Variants in CHRNA4 observed in about 807,000 individuals in gnomAD.
CHRNA4 encodes the protein cholinergic receptor nicotinic alpha 4 subunit.
Under a neutral mutation model 48.9 loss-of-function variants are expected in CHRNA4, and 28 were observed. The ratio of observed to expected loss-of-function variants is 0.57; its 90% confidence interval spans 0.42 to 0.79. The LOEUF is 0.79. Ranked by LOEUF, CHRNA4 falls within the 30% of genes least tolerant of loss-of-function variation. The probability of loss-of-function intolerance (pLI) is 0.00; values close to 1 mark genes in which losing one functional copy is unlikely to be tolerated. For synonymous variants in CHRNA4, 425 were observed against 402.3 expected (o/e 1.06, Z -0.68); for missense variants, 859 against 898.4 (o/e 0.96, Z 0.56).
At chr20:63,352,431 C>A (rs974016306) in intron 4 of CHRNA4, among the ~76,000 whole-genome samples, 1 of 152,204 alleles carries the variant, frequency 6.6e-6, no homozygotes, top group Non-Finnish European at 1.5e-5. Flanking sequence ...CCAACACCGC[C>A]GGCTGGGCTG....
At position 63,346,820 on chromosome 20, in the gene CHRNA4, A is replaced by G. The variant is rs1467531658; in HGVS notation, c.1802T>C (p.Ile601Thr). The G allele has an allele frequency of 6.2e-7, 1 of 1,612,576 alleles. No individual in the cohort carries two copies. Among genetic ancestry groups the G allele is most frequent in the East Asian group, 2.2e-5 (1 of 44,882 alleles). Residue 601 changes from isoleucine (I) to threonine (T), a missense_variant, in exon 6 of 6, where the codon ATC (isoleucine) becomes ACC (threonine). By Grantham distance (89) the Ile-to-Thr change is moderately conservative. Coordinates refer to ENST00000370263, the MANE Select transcript of CHRNA4 (RefSeq NM_000744.7). Reference sequence around the variant, plus strand: ...GACGATGATGAACATCCAGAGGAAGATGCGGTCGATGACCATGGCCACGTA... The same window carrying G: ...GACGATGATGAACATCCAGAGGAAGGTGCGGTCGATGACCATGGCCACGTA... ...WKYVAMVIDR[I>T]FLWMFIIVCL...
chr20:63,345,896 A>C lies in CHRNA4; in HGVS notation c.*842T>G, dbSNP rs1416042533. On this transcript the variant is annotated 3_prime_UTR_variant, in exon 6 of 6. Transcript: ENST00000370263. This position sits in a 1 kb window ranked among gnomAD's most constrained non-coding sequence, Gnocchi z 5.4. ...GGGAATCACAACACAGAAGTACCCC[A>C]GGGGCTGAAGCCACTAGGCCCCCGT... is the stretch of plus-strand genomic sequence containing the variant. The C allele has an allele frequency of 2.2e-6, 1 of 453,538 alleles. No individual in the cohort carries two copies. Among genetic ancestry groups the C allele is most frequent in the Admixed American group, 2.4e-5 (1 of 42,530 alleles). The allele number at this position is 453,538 out of a possible 1,614,324, so 28.1% of individuals were successfully genotyped here.
rs543746189 is a variant in CHRNA4, at chr20:63,354,704, C to T, written c.383+1271G>A. The stretch of plus-strand genomic sequence containing the variant: ...GCATTCCTGGAGGGCTGTGCACAGG[C>T]ACCCAGAGCGGCTTCTCTGCCCGGC... On this transcript the variant is annotated intron_variant, in intron 4 of 5. Transcript: ENST00000370263. The T allele has an allele frequency of 4.8e-4, 476 of 982,322 alleles. 9 individuals are homozygous for T. The South Asian group carries it at 0.01, about 21-fold the overall frequency. 60.9% of individuals were successfully genotyped at this position (982,322 alleles called of 1,614,324 possible).
At chr20:63,352,167 T>C (rs1045225876) in intron 4 of CHRNA4, among the ~76,000 whole-genome samples, 1 of 151,854 alleles carries the variant, frequency 6.6e-6, no homozygotes, top group Non-Finnish European at 1.5e-5. Flanking sequence ...CTCTGCCTCA[T>C]TCCCTGAGAG....
chr20:63,356,425 C>A lies in CHRNA4; in HGVS notation c.229-10G>T, dbSNP rs776781462. ...TCTGGTTCTTCTCATCCTAGGGCAC[C>A]GAGAGAGGAAGGGGGCCAGTGACCC... On this transcript the variant is annotated splice_polypyrimidine_tract_variant and intron_variant, in intron 2 of 5. Transcript: ENST00000370263. 34 of 1,599,380 alleles carry A rather than the reference C, an allele frequency of 2.1e-5. No individual in the cohort carries two copies. In the Admixed American group the frequency reaches 4.4e-4, roughly 21 times the overall value.
chr20:63,347,810 G>A (rs1228149007), intron 5 of CHRNA4, among the ~76,000 whole-genome samples: 1 of 152,184 alleles, frequency 6.6e-6, no homozygotes, highest in Non-Finnish European at 1.5e-5. Context: ...GATGTGCCGC[G>A]GGGGCCTGGG....
intron 4 of CHRNA4, chr20:63,355,631 G>A (rs1408709081): frequency 3.1e-6 from 4 of 1,300,490 alleles, no homozygotes; most frequent in South Asian, 2.5e-5. Context: ...CGCGGGTCAG[G>A]AGCCAGCCCC....
At position 63,345,551 on chromosome 20, in the gene CHRNA4, G is replaced by A. The variant is rs940078058; in HGVS notation, c.*1187C>T. Reference sequence around the variant, plus strand: ...CAGGCCTCCCTCACCTCTGGATACCGCCTGCAGGGGTGAGGCTGTGCTGAG... The same window carrying A: ...CAGGCCTCCCTCACCTCTGGATACCACCTGCAGGGGTGAGGCTGTGCTGAG... On this transcript the variant is annotated 3_prime_UTR_variant, in exon 6 of 6. Transcript: ENST00000370263. This position sits in a 1 kb window ranked among gnomAD's most constrained non-coding sequence, Gnocchi z 5.4. 5 of 429,812 alleles carry A rather than the reference G, an allele frequency of 1.2e-5. No homozygotes were observed. The highest frequency in any genetic ancestry group is 2.4e-5 in the Admixed American group (1 of 41,562). The allele number at this position is 429,812 out of a possible 1,614,324, so 26.6% of individuals were successfully genotyped here.
chr20:63,359,314 T>A, intron 2 of CHRNA4: 2 of 606,470 alleles, frequency 3.3e-6, no homozygotes, highest in Non-Finnish European at 6.0e-6. Flanking sequence ...CTTGGAGTGT[T>A]CCCACGTCAA....
chr20:63,345,956 C>A lies in CHRNA4; in HGVS notation c.*782G>T. 2.2e-6 allele frequency: 1 copy of A among 454,094 alleles called. No homozygotes were observed. The highest frequency in any genetic ancestry group is 4.4e-6 in the Non-Finnish European group (1 of 226,764). 28.1% of individuals were successfully genotyped at this position (454,094 alleles called of 1,614,324 possible). A position where few individuals can be genotyped will look rare whatever the true frequency, so the allele number is the denominator to read the frequency against. On this transcript the variant is annotated 3_prime_UTR_variant, in exon 6 of 6. Coordinates refer to ENST00000370263, the MANE Select transcript of CHRNA4 (RefSeq NM_000744.7). This position sits in a 1 kb window ranked among gnomAD's most constrained non-coding sequence, Gnocchi z 5.4. ...GCCACCTGCCAGAGCCCTGGCCCTACGCCTGGAAGGCAGAGTCCTGGTCTC... is the reference window on the plus strand; with the variant it reads ...GCCACCTGCCAGAGCCCTGGCCCTAAGCCTGGAAGGCAGAGTCCTGGTCTC...
In CHRNA4 at chr20:63,361,050, C is replaced by A. The variant is rs770682509; in HGVS notation, c.76+40G>T. 7 of 1,394,626 alleles carry A rather than the reference C, an allele frequency of 5.0e-6. 1 individual carries two copies. In the South Asian group the frequency reaches 1.0e-4, roughly 20 times the overall value. The allele number at this position is 1,394,626 out of a possible 1,614,324, so 86.4% of individuals were successfully genotyped here. ...CTCTGGGGGTCCCAGGCCATCCGAA[C>A]GCGGGCGAAAGGGGGCCCATCCCGC... On this transcript the variant is annotated intron_variant, in intron 1 of 5. Coordinates refer to ENST00000370263, the MANE Select transcript of CHRNA4 (RefSeq NM_000744.7).
chr20:63,353,847 C>T (rs982906560), intron 4 of CHRNA4, among the ~76,000 whole-genome samples: 2 of 6,144 alleles, frequency 3.3e-4, no homozygotes, highest in Non-Finnish European at 5.0e-4. Context: ...GGGGCTGTGA[C>T]CCTCGGGGGG....
At chr20:63,354,971 A>G (rs531404985) in intron 4 of CHRNA4, among the ~76,000 whole-genome samples, 35 of 152,278 alleles carry the variant, frequency 2.3e-4, no homozygotes, top group African/African-American at 7.0e-4. Context: ...ACTGGAATCA[A>G]TTGAGTTGGA....
At chr20:63,352,151 T>C (rs908175031) in intron 4 of CHRNA4, among the ~76,000 whole-genome samples, 26 of 150,216 alleles carry the variant, frequency 1.7e-4, no homozygotes, top group African/African-American at 5.7e-4. Context: ...CCCCTGCCCA[T>C]CCCTCCTCTG....
rs767662388 is a variant in CHRNA4 at position 63,349,734 on chromosome 20, G to A, written c.1677C>T (p.Pro559=). The stretch of plus-strand genomic sequence containing the variant: ...CCGCCCGGGTCAGGGCCGGCGACAG[G>A]GGCAGGTGCGGGGGCGGCGCTTTGG... ...RSTKAPPPHL[P]LSPALTRAVE... The change falls in exon 5 of 6, where the codon CCC becomes CCT. Residue 559 remains proline, a synonymous_variant. Coordinates refer to ENST00000370263, the MANE Select transcript of CHRNA4 (RefSeq NM_000744.7). The A allele has an allele frequency of 6.2e-6, 10 of 1,612,616 alleles. No homozygotes were observed. The highest frequency in any genetic ancestry group is 1.7e-5 in the Admixed American group (1 of 59,992).
chr20:63,347,036 G>A, intron 5 of CHRNA4, 173 bp from the exon 6 acceptor site: 1 of 890,914 alleles, frequency 1.1e-6, no homozygotes, highest in Non-Finnish European at 1.8e-6. Context: ...GAATTGGGGT[G>A]CACGGGACAG....
intron 2 of CHRNA4, 42 bp from the exon 3 acceptor site, chr20:63,356,457 G>A: frequency 1.9e-6 from 3 of 1,561,070 alleles, no homozygotes; most frequent in Non-Finnish European, 2.6e-6. Flanking sequence ...ACCCCTTGGT[G>A]TCTTTCTCTG....
chr20:63,358,182 G>A (rs1186663686), intron 2 of CHRNA4, among the ~76,000 whole-genome samples: 2 of 152,188 alleles, frequency 1.3e-5, no homozygotes, highest in Non-Finnish European at 2.9e-5. Context: ...CTGGAGGTCT[G>A]GGTGGCCAAC....
At position 63,361,214 on chromosome 20, in the gene CHRNA4, G is replaced by A. The variant is rs1308065049; in HGVS notation, c.-49C>T. 2 of 1,448,856 alleles carry A rather than the reference G, an allele frequency of 1.4e-6. No individual in the cohort carries two copies. Among genetic ancestry groups the A allele is most frequent in the South Asian group, 1.3e-5 (1 of 75,238 alleles). 89.8% of individuals were successfully genotyped at this position (1,448,856 alleles called of 1,614,324 possible). ...AGATGCGGGCGGCTCCCGGCTCCCC[G>A]CCGCTTCGAGGCCCGTGCGCGCCCA... On this transcript the variant is annotated 5_prime_UTR_variant, in exon 1 of 6. Transcript: ENST00000370263.
Sources: gnomAD v4.1 joint callset for allele counts (sites outside exome capture counted in the v4.1 genomes callset) on GRCh38, gnomAD v4.1.1 for gene constraint, Gnocchi (gnomAD v3.1) non-coding constraint, MANE v1.5 for transcripts, NCBI Gene and HGNC (gene_info 2026-07-23, HGNC 2026-07-21) for gene names.